Variants in DGKB observed in about 807,000 individuals in gnomAD.
DGKB encodes 90 kDa diacylglycerol kinase.
DGKB carries 67 observed loss-of-function variants against 114.3 expected under a neutral mutation model. The ratio of observed to expected loss-of-function variants is 0.59; its 90% CI spans 0.48 to 0.72. The LOEUF (loss-of-function observed/expected upper bound fraction) is 0.72. Among genes scored for constraint, DGKB ranks in the 30% least tolerant of loss-of-function variants. DGKB has a pLI of 0.00. For missense variants in DGKB, 907 were observed against 975.2 expected (o/e 0.93, Z 0.93); for synonymous variants, 398 against 323.1 (o/e 1.23, Z -2.49).
At chr7:14,596,416 C>A (rs777772990) in intron 17 of DGKB, among the ~76,000 whole-genome samples, 6 of 152,246 alleles carry the variant, frequency 3.9e-5, no homozygotes, top group East Asian at 1.9e-4. Context: ...GGCTCTGGAC[C>A]ATTTTTATCA....
chr7:14,954,338 C>T (rs1160450869), intron 1 of DGKB, among the ~76,000 whole-genome samples: 1 of 151,970 alleles, frequency 6.6e-6, no homozygotes, highest in African/African-American at 2.4e-5. Flanking sequence ...GATGAAAATG[C>T]TTGGAGAAAT....
At chr7:14,854,678 G>A (rs2191475) in intron 1 of DGKB, among the ~76,000 whole-genome samples, 80,495 of 152,100 alleles carry the variant, frequency 0.53, 24,056 homozygotes, top group East Asian at 0.93. Flanking sequence ...TGTGCAGCCC[G>A]GTTCCTAACA....
chr7:14,879,345 C>A (rs570078659), intron 1 of DGKB, among the ~76,000 whole-genome samples: 1 of 149,588 alleles, frequency 6.7e-6, no homozygotes, highest in Non-Finnish European at 1.5e-5. Context: ...TAAATGAATG[C>A]GGTCAGGATC....
At chr7:14,694,848 A>G (rs1171655142) in intron 8 of DGKB, among the ~76,000 whole-genome samples, 1 of 152,194 alleles carries the variant, frequency 6.6e-6, no homozygotes, top group East Asian at 1.9e-4. Flanking sequence ...AGCCCCTGGC[A>G]TACAGAGTCA....
intron 25 of DGKB, among the ~76,000 whole-genome samples, chr7:14,153,657 A>G (rs1363357493): frequency 2.0e-5 from 3 of 152,010 alleles, no homozygotes; most frequent in Non-Finnish European, 4.4e-5. Context: ...TTTTTTGCCA[A>G]TCAAATTTCT....
chr7:14,513,847 A>T (rs11982590), intron 20 of DGKB, among the ~76,000 whole-genome samples: 1 of 151,718 alleles, frequency 6.6e-6, no homozygotes, highest in African/African-American at 2.4e-5. Flanking sequence ...AAATATAAAA[A>T]TGTTTTATCT....
chr7:14,895,741 C>T (rs1048190099), intron 1 of DGKB, among the ~76,000 whole-genome samples: 1 of 151,570 alleles, frequency 6.6e-6, no homozygotes, highest in African/African-American at 2.4e-5. Flanking sequence ...ACTTCTGTCT[C>T]CTAAGGGATA....
chr7:14,463,910 A>G (rs1279926287), intron 21 of DGKB, among the ~76,000 whole-genome samples: 1 of 152,202 alleles, frequency 6.6e-6, no homozygotes, highest in African/African-American at 2.4e-5. Flanking sequence ...TATTGCCACA[A>G]GGACACACAA....
chr7:14,406,501 T>G (rs569632365), intron 21 of DGKB, among the ~76,000 whole-genome samples: 1 of 152,082 alleles, frequency 6.6e-6, no homozygotes, highest in East Asian at 1.9e-4. Flanking sequence ...GTCCAGGTAC[T>G]ACTGATCACG....
At chr7:14,323,700 T>C (rs1808226113) in intron 23 of DGKB, among the ~76,000 whole-genome samples, 1 of 152,166 alleles carries the variant, frequency 6.6e-6, no homozygotes, top group Non-Finnish European at 1.5e-5. Context: ...GTTTGATGAG[T>C]ATCCGAAAGC....
At chr7:14,211,134 C>G (rs1476697379) in intron 23 of DGKB, among the ~76,000 whole-genome samples, 1 of 152,040 alleles carries the variant, frequency 6.6e-6, no homozygotes, top group Admixed American at 6.6e-5. Context: ...CTCCTTTCCT[C>G]AACATTTCAT....
At chr7:14,431,629 A>G (rs868600894) in intron 21 of DGKB, among the ~76,000 whole-genome samples, 7 of 152,194 alleles carry the variant, frequency 4.6e-5, no homozygotes, top group African/African-American at 1.7e-4. Flanking sequence ...AATTTTATCT[A>G]TAAAAAGTAC....
intron 23 of DGKB, among the ~76,000 whole-genome samples, chr7:14,233,952 C>G (rs1245639663): frequency 6.6e-6 from 1 of 152,020 alleles, no homozygotes; most frequent in Non-Finnish European, 1.5e-5. Flanking sequence ...AGTTTTAACC[C>G]TAAAGCTCAG....
At chr7:14,956,889 A>G (rs890603550) in intron 1 of DGKB, among the ~76,000 whole-genome samples, 4 of 151,908 alleles carry the variant, frequency 2.6e-5, no homozygotes, top group Admixed American at 6.6e-5. Context: ...AGTTAACATG[A>G]AGTTAAACAT....
chr7:14,535,674 G>T (rs1038898870), intron 20 of DGKB, among the ~76,000 whole-genome samples: 1 of 152,044 alleles, frequency 6.6e-6, no homozygotes, highest in South Asian at 2.1e-4. Context: ...TGCAACCTCC[G>T]CCTCCCATGT....
intron 1 of DGKB, among the ~76,000 whole-genome samples, chr7:14,931,692 G>A (rs1049155689): frequency 6.6e-6 from 1 of 152,066 alleles, no homozygotes; most frequent in Non-Finnish European, 1.5e-5. Flanking sequence ...ATTCCTCTCA[G>A]ACCACGGCTG....
chr7:14,478,368 C>T, intron 20 of DGKB, 143 bp from the exon 21 acceptor site: 1 of 502,606 alleles, frequency 2.0e-6, no homozygotes, highest in Non-Finnish European at 3.5e-6. Flanking sequence ...TAAAATTAGG[C>T]AAAAATGTGT....
chr7:14,838,539 T>C (rs771222549), intron 2 of DGKB, among the ~76,000 whole-genome samples: 28 of 150,220 alleles, frequency 1.9e-4, no homozygotes, highest in African/African-American at 5.8e-4. Flanking sequence ...TCTCTTCCCC[T>C]CTCTCTCTCT....
At chr7:14,305,823 T>A (rs1018811592) in intron 23 of DGKB, among the ~76,000 whole-genome samples, 3 of 152,166 alleles carry the variant, frequency 2.0e-5, no homozygotes, top group African/African-American at 7.2e-5. Context: ...CATCATAGCT[T>A]GACCAGGTCT....
Sources: gnomAD v4.1 joint callset for allele counts (sites outside exome capture counted in the v4.1 genomes callset) on GRCh38, gnomAD v4.1.1 for gene constraint, MANE v1.5 for transcripts, NCBI Gene and HGNC (gene_info 2026-07-23, HGNC 2026-07-21) for gene names.